The following LRRIQ1 variants were observed in gnomAD, a reference collection of about 807,000 sequenced individuals.
The protein encoded by LRRIQ1 is leucine rich repeats and IQ motif containing 1, also known as leucine-rich repeat- and IQ domain-containing protein 1.
LRRIQ1 carries 210 observed loss-of-function variants against 211.9 expected under a neutral mutation model. That is an observed-to-expected ratio of 0.99 (90% CI 0.89 to 1.11). LRRIQ1 has a LOEUF of 1.11. Among genes scored for constraint, LRRIQ1 ranks in the 50% most tolerant of loss-of-function variants. LRRIQ1 has a pLI of 0.00. For missense variants in LRRIQ1, 2,136 were observed against 1,939.5 expected, an observed-to-expected ratio of 1.10 and a Z score of -1.90; for synonymous variants, 699 against 650.1, an observed-to-expected ratio of 1.08 and a Z score of -1.14.
At chr12:85,122,750 T>C (rs1189894090) in intron 16 of LRRIQ1, among the ~76,000 whole-genome samples, 6 of 152,094 alleles carry the variant, frequency 3.9e-5, no homozygotes, top group Non-Finnish European at 7.4e-5. Flanking sequence ...TCATTAAAAA[T>C]AATTTCAATT....
At chr12:85,260,129 TAAAAAAAAA>T (rs34282611) in intron 1 of LRRIQ1, among the ~76,000 whole-genome samples, 1 of 115,598 alleles carries the variant, frequency 8.7e-6, no homozygotes, top group Non-Finnish European at 1.7e-5. Flanking sequence ...TCATGTTGGT[TAAAAAAAAA>T]AAAAAAAAAA....
chr12:85,146,222 T>G (rs1889884573), intron 19 of LRRIQ1, among the ~76,000 whole-genome samples: 1 of 151,742 alleles, frequency 6.6e-6, no homozygotes, highest in African/African-American at 2.4e-5. Flanking sequence ...ACTGAATGCT[T>G]TCTAGGGCTA....
intron 26 of LRRIQ1, among the ~76,000 whole-genome samples, chr12:85,235,614 G>T (rs1226457497): frequency 6.6e-6 from 1 of 152,128 alleles, no homozygotes; most frequent in Non-Finnish European, 1.5e-5. Flanking sequence ...TCCAGAGAGG[G>T]ATTTGGCTGA....
At chr12:85,176,382 C>T (rs1257388816) in intron 24 of LRRIQ1, among the ~76,000 whole-genome samples, 3 of 151,622 alleles carry the variant, frequency 2.0e-5, no homozygotes, top group Non-Finnish European at 4.4e-5. Flanking sequence ...GCTGAAGTGG[C>T]GCATATACAC....
intron 8 of LRRIQ1, among the ~76,000 whole-genome samples, chr12:85,063,348 A>G (rs1444746114): frequency 2.0e-5 from 3 of 151,790 alleles, no homozygotes; most frequent in African/African-American, 7.2e-5. Flanking sequence ...AGAAGACCTC[A>G]AACTATGAAA....
chr12:85,147,938 T>C (rs1889995541), intron 19 of LRRIQ1, among the ~76,000 whole-genome samples: 1 of 151,714 alleles, frequency 6.6e-6, no homozygotes, highest in Non-Finnish European at 1.5e-5. Context: ...TGCTTTTCCA[T>C]AGGAGTGTAC....
At chr12:85,271,675 A>C in the LRRIQ1 span, among the ~76,000 whole-genome samples, 2 of 152,126 alleles carry the variant, frequency 1.3e-5, no homozygotes, top group Non-Finnish European at 2.9e-5. Flanking sequence ...TAATTTTTTA[A>C]GCTTCCTTAG....
intron 18 of LRRIQ1, among the ~76,000 whole-genome samples, chr12:85,136,332 T>A (rs554463992): frequency 1.2e-4 from 18 of 151,996 alleles, no homozygotes; most frequent in African/African-American, 4.1e-4. Flanking sequence ...AGTGGGAAAG[T>A]TTTTAGTGGA....
chr12:85,234,753 T>A (rs1191630196), intron 26 of LRRIQ1, among the ~76,000 whole-genome samples: 1 of 152,162 alleles, frequency 6.6e-6, no homozygotes, highest in Admixed American at 6.6e-5. Context: ...CTTAAAAATG[T>A]AGTAATAACA....
intron 8 of LRRIQ1, among the ~76,000 whole-genome samples, chr12:85,061,234 A>G (rs1881761035): frequency 1.3e-5 from 2 of 151,768 alleles, no homozygotes; most frequent in African/African-American, 2.4e-5. Flanking sequence ...ACGATTACTA[A>G]TTCTATATTG....
chr12:85,046,507 G>A (rs1360472364), intron 5 of LRRIQ1, among the ~76,000 whole-genome samples: 4 of 151,890 alleles, frequency 2.6e-5, no homozygotes, highest in Non-Finnish European at 4.4e-5. Flanking sequence ...TATTCACTTT[G>A]GTGAAATTTC....
intron 15 of LRRIQ1, among the ~76,000 whole-genome samples, chr12:85,110,636 G>A (rs1404164336): frequency 1.3e-5 from 2 of 152,072 alleles, no homozygotes; most frequent in Non-Finnish European, 2.9e-5. Context: ...AATCATCTCA[G>A]TTTAGTGTGA....
chr12:85,246,590 C>G (rs1166923995), downstream of LRRIQ1, among the ~76,000 whole-genome samples: 1 of 151,396 alleles, frequency 6.6e-6, no homozygotes, highest in Admixed American at 6.6e-5. Flanking sequence ...CATTCACTTA[C>G]ATGATATTTA....
chr12:85,070,442 A>G (rs961986306), intron 10 of LRRIQ1, among the ~76,000 whole-genome samples: 2 of 152,002 alleles, frequency 1.3e-5, no homozygotes, highest in African/African-American at 4.8e-5. Context: ...TCTTTAATCA[A>G]TTAGAACTAT....
At chr12:85,154,284 TA>T (rs1245910457) in intron 23 of LRRIQ1, among the ~76,000 whole-genome samples, 190 bp downstream of exon 23, 5 of 144,004 alleles carry the variant, frequency 3.5e-5, no homozygotes, top group African/African-American at 5.1e-5. Context: ...TTTATACTCT[TA>T]AACACTATTT....
intron 24 of LRRIQ1, among the ~76,000 whole-genome samples, chr12:85,227,576 C>T (rs1250465662): frequency 6.6e-6 from 1 of 152,124 alleles, no homozygotes; most frequent in East Asian, 1.9e-4. Flanking sequence ...GAATCAGTAT[C>T]GTGAAAATGG....
chr12:85,210,227 T>A (rs1284956316), intron 24 of LRRIQ1, among the ~76,000 whole-genome samples: 1 of 152,188 alleles, frequency 6.6e-6, no homozygotes, highest in Admixed American at 6.5e-5. Flanking sequence ...AAAACCACAG[T>A]ATTCTATAAC....
intron 24 of LRRIQ1, among the ~76,000 whole-genome samples, chr12:85,163,215 A>G (rs1890987221): frequency 6.6e-6 from 1 of 152,230 alleles, no homozygotes; most frequent in African/African-American, 2.4e-5. Flanking sequence ...CACCTCTTTT[A>G]AAAGTGCAAT....
intron 23 of LRRIQ1, among the ~76,000 whole-genome samples, chr12:85,156,025 A>C (rs937669118): frequency 6.6e-6 from 1 of 151,696 alleles, no homozygotes; most frequent in African/African-American, 2.4e-5. Context: ...AAGTAACCAG[A>C]CATCCAGCTT....
Sources: gnomAD v4.1 joint callset for allele counts (sites outside exome capture counted in the v4.1 genomes callset) on GRCh38, gnomAD v4.1.1 for gene constraint, MANE v1.5 for transcripts, NCBI Gene and HGNC (gene_info 2026-07-23, HGNC 2026-07-21) for gene names.